ACSS2: variants seen among roughly 807,000 people sequenced by gnomAD.
The protein encoded by ACSS2 is acetyl-coenzyme A synthetase, cytoplasmic.
A neutral mutation model predicts 90.6 loss-of-function variants in ACSS2; 58 were observed. The ratio of observed to expected loss-of-function variants is 0.64; its 90% confidence interval spans 0.52 to 0.80. ACSS2 has a LOEUF of 0.80. Among genes scored for constraint, ACSS2 ranks in the 30% least tolerant of loss-of-function variants. The pLI is 0.00. For synonymous variants in ACSS2, 300 were observed against 330.9 expected (o/e 0.91, Z 1.01); for missense variants, 759 against 912.0 (o/e 0.83, Z 2.16).
intron 15 of ACSS2, 76 bp from the exon 16 acceptor site, chr20:34,926,029 C>T: frequency 6.6e-7 from 1 of 1,509,590 alleles, no homozygotes; most frequent in Non-Finnish European, 9.2e-7. Flanking sequence ...CCAGGACTGC[C>T]CCATGGGTAC....
rs199994014 is a variant in ACSS2, at chr20:34,927,110, C to T, written c.2002C>T (p.Arg668Trp). 3.1e-5 allele frequency: 50 copies of T among 1,614,100 alleles called. No individual in the cohort carries two copies. The highest frequency in any genetic ancestry group is 8.5e-6 in the Non-Finnish European group (10 of 1,180,020). The change falls in exon 18 of 18, where the codon CGG (arginine) becomes TGG (tryptophan). Residue 668 changes from arginine to tryptophan, a missense_variant. Physicochemically the swap from Arg to Trp is moderately radical, Grantham distance 101 (BLOSUM62 -3). Transcript: ENST00000360596. The surrounding 1 kb of genome is among the most constrained non-coding windows in gnomAD (Gnocchi z 4.2). ...RSGKIMRRVL[R>W]KIAQNDHDLG... is the part of the protein sequence containing the mutation. ...AGGGAAAATCATGAGGCGAGTGCTT[C>T]GGAAGATTGCTCAGAATGACCATGA... is the stretch of plus-strand genomic sequence containing the variant.
At position 34,913,461 on chromosome 20, in the gene ACSS2, G is replaced by A. The variant is rs1202349667; in HGVS notation, c.535G>A (p.Ala179Thr). The A allele has an allele frequency of 5.0e-6, 8 of 1,613,972 alleles. No homozygotes were observed. The highest frequency in any genetic ancestry group is 6.8e-6 in the Non-Finnish European group (8 of 1,179,964). Residue 179 changes from alanine (A) to threonine (T), a missense_variant, in exon 4 of 18, where the codon GCA (alanine) becomes ACA (threonine). Ala to Thr is a moderately conservative substitution (Grantham distance 58). Coordinates refer to ENST00000360596, the MANE Select transcript of ACSS2 (RefSeq NM_018677.4). ...CCCAGAGCTTGTGGTGGCCATGCTG[G>A]CATGTGCCCGCATTGGGGCTTTGCA... ...MIPELVVAML[A>T]CARIGALHSI...
intron 1 of ACSS2, among the ~76,000 whole-genome samples, chr20:34,878,840 A>G (rs2079988399): frequency 6.6e-6 from 1 of 152,162 alleles, no homozygotes; most frequent in East Asian, 1.9e-4. Flanking sequence ...ATGTCACTGC[A>G]AAAACTTTCA....
intron 2 of ACSS2, among the ~76,000 whole-genome samples, chr20:34,883,932 A>T (rs2080128665): frequency 1.3e-5 from 2 of 151,766 alleles, no homozygotes; most frequent in African/African-American, 4.8e-5. Flanking sequence ...TTGTTTTTGT[A>T]TTGTTTTGTT....
At chr20:34,881,652 A>G (rs1189250908) in intron 1 of ACSS2, among the ~76,000 whole-genome samples, 3 of 151,996 alleles carry the variant, frequency 2.0e-5, no homozygotes. Flanking sequence ...TTCATATGGG[A>G]GTGGAGAAAA....
intron 2 of ACSS2, among the ~76,000 whole-genome samples, chr20:34,885,462 T>C (rs968134919): frequency 6.6e-6 from 1 of 152,066 alleles, no homozygotes; most frequent in Non-Finnish European, 1.5e-5. Context: ...ATCTGTAAAA[T>C]GAGAGGAGTA....
chr20:34,897,686 G>A (rs779270281), intron 2 of ACSS2, among the ~76,000 whole-genome samples: 13 of 151,966 alleles, frequency 8.6e-5, no homozygotes, highest in African/African-American at 1.5e-4. Flanking sequence ...AAAATTAGCC[G>A]GCCATGGTGG....
intron 2 of ACSS2, among the ~76,000 whole-genome samples, chr20:34,910,218 G>T (rs540394370): frequency 2.0e-5 from 3 of 152,204 alleles, no homozygotes; most frequent in African/African-American, 4.8e-5. Flanking sequence ...TCTTATTAAA[G>T]ATCATAATGA....
At chr20:34,921,253 G>C in intron 10 of ACSS2, 77 bp from the exon 11 acceptor site, 1 of 1,607,016 alleles carries the variant, frequency 6.2e-7, no homozygotes, top group Non-Finnish European at 8.5e-7. Context: ...ATAGAGGATG[G>C]GGCAAGAGAA....
chr20:34,876,501 A>G, upstream of ACSS2: 1 of 887,140 alleles, frequency 1.1e-6, no homozygotes, highest in African/African-American at 1.9e-5. Context: ...CCCCTCTGGC[A>G]CCGCCCACCC....
chr20:34,894,878 A>T (rs186716390), intron 2 of ACSS2, among the ~76,000 whole-genome samples: 5 of 152,206 alleles, frequency 3.3e-5, no homozygotes, highest in African/African-American at 1.2e-4. Flanking sequence ...ATGACTCCAT[A>T]TTCAGAGCCA....
In ACSS2 at chr20:34,876,802, C is replaced by A; in HGVS notation, c.157C>A (p.Arg53Ser). The change falls in exon 1 of 18, where the codon CGC (arginine) becomes AGC (serine). Residue 53 changes from arginine (R) to serine (S), a missense_variant. Arg to Ser is a moderately radical substitution (Grantham distance 110, BLOSUM62 -1). Transcript: ENST00000360596. ...SLQRYRELHR[R>S]SVEEPREFWG... ...GCAGCGCTACCGCGAGCTGCACCGG[C>A]GCTCCGTGGAGGAGCCGCGGGGTGA... 7.6e-7 allele frequency: 1 copy of A among 1,320,440 alleles called. No individual in the cohort carries two copies. The highest frequency in any genetic ancestry group is 9.7e-7 in the Non-Finnish European group (1 of 1,030,180). 81.8% of individuals were successfully genotyped at this position (1,320,440 alleles called of 1,614,324 possible). A position where few individuals can be genotyped will look rare whatever the true frequency, so the allele number is the denominator to read the frequency against.
intron 4 of ACSS2, 42 bp downstream of exon 4, chr20:34,913,538 G>A: frequency 6.4e-7 from 1 of 1,571,322 alleles, no homozygotes; most frequent in Non-Finnish European, 8.7e-7. Flanking sequence ...CGGGGGGGTG[G>A]GGCTCTGGAG....
chr20:34,921,621 T>G, intron 12 of ACSS2, 21 bp downstream of exon 12: 1 of 1,614,210 alleles, frequency 6.2e-7, no homozygotes. Context: ...CTTCCCTGGC[T>G]GGTCTTGGGC....
At position 34,923,351 on chromosome 20, in the gene ACSS2, T is replaced by C. The variant is rs757084938; in HGVS notation, c.1577T>C (p.Met526Thr). Residue 526 changes from methionine (M) to threonine (T), a missense_variant, in exon 14 of 18, where the codon ATG (methionine) becomes ACG (threonine). By Grantham distance (81) the Met-to-Thr change is moderately conservative. Coordinates refer to ENST00000360596, the MANE Select transcript of ACSS2 (RefSeq NM_018677.4). ...TTCAAGCAGCCCTGGCCAGGGATCATGCGCACAGTCTATGGGAACCACGAA... is the reference window on the plus strand; with the variant it reads ...TTCAAGCAGCCCTGGCCAGGGATCACGCGCACAGTCTATGGGAACCACGAA... ...LVFKQPWPGI[M>T]RTVYGNHERF... 4 of 1,614,066 alleles carry C rather than the reference T, an allele frequency of 2.5e-6. No homozygotes were observed. Among genetic ancestry groups the C allele is most frequent in the Middle Eastern group, 1.6e-4 (1 of 6,082 alleles).
chr20:34,886,029 A>G (rs1438735476), intron 2 of ACSS2, among the ~76,000 whole-genome samples: 1 of 151,440 alleles, frequency 6.6e-6, no homozygotes, highest in African/African-American at 2.5e-5. Flanking sequence ...ATTGCATTTT[A>G]TTATAAGAAA....
rs115070909 is a variant in ACSS2 at position 34,901,131 on chromosome 20, G to A, written c.375-11965G>A. On this transcript the variant is annotated intron_variant, in intron 2 of 17. Transcript: ENST00000360596. ...TTTTGGACAACAGTGCTTTAGAATA[G>A]TGTTGCTACTAATTTGTAAGTAACC... Among the ~76,000 whole-genome samples, 716 of 152,306 alleles carry A rather than the reference G, an allele frequency of 4.7e-3. 7 individuals carry two copies. The highest frequency in any genetic ancestry group is 0.017 in the African/African-American group (695 of 41,556).
chr20:34,911,710 G>T (rs749472389), intron 2 of ACSS2, among the ~76,000 whole-genome samples: 9 of 152,256 alleles, frequency 5.9e-5, no homozygotes, highest in Admixed American at 3.3e-4. Flanking sequence ...ATCATAATCT[G>T]AAATTATCCT....
At chr20:34,882,648 A>C in intron 1 of ACSS2, 146 bp from the exon 2 acceptor site, 1 of 647,568 alleles carries the variant, frequency 1.5e-6, no homozygotes, top group Non-Finnish European at 2.5e-6. Context: ...GTGGGTGCTA[A>C]GATTAGACAG....
Sources: gnomAD v4.1 joint callset for allele counts (sites outside exome capture counted in the v4.1 genomes callset) on GRCh38, gnomAD v4.1.1 for gene constraint, Gnocchi (gnomAD v3.1) non-coding constraint, MANE v1.5 for transcripts, NCBI Gene and HGNC (gene_info 2026-07-23, HGNC 2026-07-21) for gene names.